Variants in ERMP1 observed in about 807,000 individuals in gnomAD.
ERMP1 encodes Felix-ina.
In ERMP1, 86 loss-of-function variants were observed where a neutral mutation model predicts 92.0. The ratio of observed to expected loss-of-function variants is 0.93; its 90% CI spans 0.79 to 1.12. The LOEUF (loss-of-function observed/expected upper bound fraction) is 1.12. Among genes scored for constraint, ERMP1 ranks in the 50% most tolerant of loss-of-function variants. The pLI is 0.00. For synonymous variants in ERMP1, 530 were observed against 412.8 expected (o/e 1.28, Z -3.44); for missense variants, 1,342 against 1,116.3 (o/e 1.20, Z -2.88).
At chr9:5,791,951 AG>A (rs1828215345) in intron 13 of ERMP1, among the ~76,000 whole-genome samples, 1 of 152,244 alleles carries the variant, frequency 6.6e-6, no homozygotes, top group Non-Finnish European at 1.5e-5. Context: ...GGGAGGAAGA[AG>A]TGGGAGGATG....
chr9:5,805,295 T>C, intron 9 of ERMP1, 78 bp from the exon 10 acceptor site: 4 of 1,108,544 alleles, frequency 3.6e-6, no homozygotes, highest in East Asian at 2.6e-5. Flanking sequence ...CTGGTGTGCC[T>C]TGGTACCCTA....
intron 5 of ERMP1, among the ~76,000 whole-genome samples, chr9:5,863,737 G>A (rs1830569111): frequency 1.3e-5 from 2 of 152,154 alleles, no homozygotes; most frequent in African/African-American, 4.8e-5. Flanking sequence ...TATTACAGAA[G>A]CTACATGTAT....
chr9:5,793,162 TG>T (rs1347503453), intron 13 of ERMP1, among the ~76,000 whole-genome samples: 2 of 152,162 alleles, frequency 1.3e-5, no homozygotes, highest in African/African-American at 4.8e-5. Flanking sequence ...AGGATTATTT[TG>T]TTATTAAGTT....
chr9:5,839,102 G>A (rs1288068304), intron 6 of ERMP1, among the ~76,000 whole-genome samples: 2 of 152,186 alleles, frequency 1.3e-5, no homozygotes, highest in African/African-American at 4.8e-5. Flanking sequence ...TGATCCAGGA[G>A]GGGAATGCAA....
chr9:5,795,578 G>A (rs989249981), intron 13 of ERMP1, among the ~76,000 whole-genome samples: 5 of 152,204 alleles, frequency 3.3e-5, no homozygotes, highest in Non-Finnish European at 1.5e-5. Flanking sequence ...AGGAGTTTGA[G>A]ACCAGCCTGG....
chr9:5,813,612 G>C (rs931730063), intron 4 of ERMP1, among the ~76,000 whole-genome samples: 4 of 151,974 alleles, frequency 2.6e-5, no homozygotes, highest in Non-Finnish European at 5.9e-5. Context: ...CATCATGTCA[G>C]TGCTCAAAAA....
At chr9:5,792,802 A>G (rs1828254250) in intron 13 of ERMP1, among the ~76,000 whole-genome samples, 1 of 152,230 alleles carries the variant, frequency 6.6e-6, no homozygotes, top group Non-Finnish European at 1.5e-5. Context: ...CAAGCTCCAT[A>G]GCAACCACTA....
chr9:5,801,237 C>T lies in ERMP1; in HGVS notation c.2006G>A (p.Gly669Glu). 4 of 1,613,860 alleles carry T rather than the reference C, an allele frequency of 2.5e-6. No individual in the cohort carries two copies. Among genetic ancestry groups the T allele is most frequent in the Non-Finnish European group, 3.4e-6 (4 of 1,179,876 alleles). Residue 669 changes from glycine to glutamate, a missense_variant, in exon 11 of 15, where the codon GGA becomes GAA. Physicochemically the swap from Gly to Glu is moderately conservative, Grantham distance 98. Coordinates refer to ENST00000339450, the MANE Select transcript of ERMP1 (RefSeq NM_024896.3). Reference sequence around the variant, plus strand: ...ATTGGAGCTATATGGAAAAAATGTTCCACTGCAAACAAGGAGGAATGTAAT... The same window carrying T: ...ATTGGAGCTATATGGAAAAAATGTTTCACTGCAAACAAGGAGGAATGTAAT... Reference protein sequence around the residue: ...CAITFLLVCSGTFFPYSSNPA... With the variant: ...CAITFLLVCSETFFPYSSNPA...
In ERMP1 at chr9:5,823,999, G is replaced by C. The variant is rs867531878; in HGVS notation, c.771C>G (p.Ala257=). The C allele has an allele frequency of 6.2e-7, 1 of 1,606,466 alleles. No homozygotes were observed. Among genetic ancestry groups the C allele is most frequent in the African/African-American group, 1.3e-5 (1 of 74,684 alleles). The change falls in exon 4 of 15, where the codon GCC becomes GCG. Residue 257 remains alanine (A), a splice_region_variant and synonymous_variant. Coordinates refer to ENST00000339450, the MANE Select transcript of ERMP1 (RefSeq NM_024896.3). ...GGTGCTGAGTAATGAAACCATGACT[G>C]GCCTTAAAGAGAAGGAAAGAAAACA... ...FNGAEENVLQ[A]SHGFITQHPW... is the part of the protein sequence containing the mutation.
chr9:5,839,184 C>T (rs1830127794), intron 6 of ERMP1, among the ~76,000 whole-genome samples: 1 of 152,210 alleles, frequency 6.6e-6, no homozygotes, highest in Non-Finnish European at 1.5e-5. Flanking sequence ...GGTCAAGATT[C>T]AGTAATTAAT....
chr9:5,826,418 AC>A (rs1829733904), intron 2 of ERMP1, among the ~76,000 whole-genome samples: 1 of 152,162 alleles, frequency 6.6e-6, no homozygotes. Flanking sequence ...AGCTAATGAT[AC>A]CTACCTCACA....
intron 8 of ERMP1, among the ~76,000 whole-genome samples, chr9:5,807,166 G>A (rs548713094): frequency 2.0e-5 from 3 of 152,124 alleles, no homozygotes; most frequent in East Asian, 3.9e-4. Flanking sequence ...TTCATCCCCT[G>A]CCCACTCCTG....
chr9:5,835,669 G>A (rs1219652214), upstream of ERMP1, among the ~76,000 whole-genome samples: 1 of 152,208 alleles, frequency 6.6e-6, no homozygotes, highest in Non-Finnish European at 1.5e-5. Flanking sequence ...GTGGGTAGGA[G>A]CCAGTGCAAG....
intron 6 of ERMP1, among the ~76,000 whole-genome samples, chr9:5,858,923 G>A (rs1830421440): frequency 6.6e-6 from 1 of 152,184 alleles, no homozygotes; most frequent in Non-Finnish European, 1.5e-5. Flanking sequence ...CCTCACTGAG[G>A]CTGGGAGTTC....
intron 6 of ERMP1, among the ~76,000 whole-genome samples, chr9:5,843,994 C>T (rs185177357): frequency 5.2e-4 from 79 of 152,242 alleles, no homozygotes; most frequent in Middle Eastern, 3.4e-3. Flanking sequence ...TGGCCAATAC[C>T]GGCACAGACT....
At chr9:5,792,386 A>G (rs993623926) in intron 13 of ERMP1, among the ~76,000 whole-genome samples, 4 of 152,248 alleles carry the variant, frequency 2.6e-5, no homozygotes, top group African/African-American at 9.6e-5. Context: ...CCTAACTGCT[A>G]GTTTTAAAGA....
At chr9:5,817,440 T>C (rs1005347658) in intron 4 of ERMP1, among the ~76,000 whole-genome samples, 4 of 152,222 alleles carry the variant, frequency 2.6e-5, no homozygotes, top group African/African-American at 9.7e-5. Flanking sequence ...TCCGCCCGCC[T>C]TGGCCTCCCA....
chr9:5,793,432 A>G (rs1828285818), intron 13 of ERMP1, among the ~76,000 whole-genome samples: 1 of 152,196 alleles, frequency 6.6e-6, no homozygotes. Context: ...CTAATATGGT[A>G]GCTATTAATT....
intron 4 of ERMP1, among the ~76,000 whole-genome samples, chr9:5,815,659 G>A (rs920630379): frequency 1.3e-5 from 2 of 152,046 alleles, no homozygotes; most frequent in African/African-American, 4.8e-5. Context: ...CTAAAACTAG[G>A]ATCAAAGTTT....
Sources: allele counts gnomAD v4.1 joint callset (sites outside exome capture counted in the v4.1 genomes callset), GRCh38; gene constraint gnomAD v4.1.1; transcripts MANE v1.5; gene names NCBI Gene and HGNC (gene_info 2026-07-23, HGNC 2026-07-21).